Variants in PRH1 observed in about 807,000 individuals in gnomAD.
PRH1 encodes the protein salivary acidic proline-rich phosphoprotein 1/2.
A neutral mutation model predicts 7.9 loss-of-function variants in PRH1; 7 were observed. That is an observed-to-expected ratio of 0.89 (90% CI 0.50 to 1.67). The LOEUF (loss-of-function observed/expected upper bound fraction) is 1.67. PRH1 is among the 40% of genes most tolerant of loss of function. The pLI, the probability that PRH1 is intolerant of heterozygous loss-of-function variation, is 0.00. For synonymous variants in PRH1, 45 were observed against 80.8 expected (o/e 0.56, Z 2.38); for missense variants, 109 against 223.6 (o/e 0.49, Z 3.27).
intron 2 of PRH1, among the ~76,000 whole-genome samples, chr12:10,969,020 C>T (rs1938656336): frequency 6.6e-6 from 1 of 152,154 alleles, no homozygotes; most frequent in Non-Finnish European, 1.5e-5. Context: ...GAGCTCTTGT[C>T]CAGCTTCCAA....
At position 11,088,439 on chromosome 12, in the gene PRH1, A is replaced by T. The variant is rs2136250015; in HGVS notation, n.124-41251T>A. ...GTAAAATACTCTAACGATGAATGGA[A>T]GTAAAATACCAGAAGAAAAGAAATC... On this transcript the variant is annotated intron_variant and non_coding_transcript_variant, in intron 1 of 4. Coordinates refer to the PRH1 transcript ENST00000541977. Among the ~76,000 whole-genome samples, 2 of 105,982 alleles carry T rather than the reference A, an allele frequency of 1.9e-5. 1 individual carries two copies. The highest frequency in any genetic ancestry group is 6.5e-5 in the African/African-American group (2 of 30,536). The allele number at this position is 105,982 out of a possible 152,430, so 69.5% of individuals were successfully genotyped here.
chr12:11,049,338 G>A (rs561985644), upstream of PRH1: 55 of 283,840 alleles, frequency 1.9e-4, no homozygotes, highest in South Asian at 2.4e-3. Context: ...CCTTAATGTC[G>A]ATAAACACTT....
At chr12:11,006,567 G>C (rs1940844546) in intron 1 of PRH1, among the ~76,000 whole-genome samples, 1 of 151,720 alleles carries the variant, frequency 6.6e-6, no homozygotes, top group African/African-American at 2.4e-5. Context: ...TTTTTGTGGA[G>C]ACAAATTTCC....
chr12:11,170,701 T>C lies in PRH1; in HGVS notation n.39+721A>G, dbSNP rs368204760. ...TTAAGGGTTTACATGGCTGGGAATA[T>C]AATTTTGTATGTATGTCCTTATGTA... On this transcript the variant is annotated intron_variant and non_coding_transcript_variant, in intron 1 of 1. Transcript: ENST00000541175. 2.6e-5 allele frequency among the ~76,000 whole-genome samples: 4 copies of C among 152,330 alleles called. No individual in the cohort carries two copies. The East Asian group carries it at 7.7e-4, about 29-fold the overall frequency.
chr12:11,030,353 T>C, intron 1 of PRH1: 1 of 1,566,788 alleles, frequency 6.4e-7, no homozygotes, highest in Non-Finnish European at 8.6e-7. Context: ...AAATGTTTCA[T>C]ACACCACCAG....
At chr12:11,119,265 C>A (rs1436320313), downstream of PRH1, among the ~76,000 whole-genome samples, 1 of 151,030 alleles carries the variant, frequency 6.6e-6, no homozygotes, top group Non-Finnish European at 1.5e-5. Context: ...TTAACAAAGG[C>A]TAGGAAAGGT....
At chr12:11,152,330 T>C (rs975955897) in intron 1 of PRH1, among the ~76,000 whole-genome samples, 22 of 112,316 alleles carry the variant, frequency 2.0e-4, no homozygotes, top group African/African-American at 3.6e-4. Flanking sequence ...ATTTGTGAGA[T>C]AGTATAATAA....
At chr12:11,110,432 C>T (rs1945555353) in intron 1 of PRH1, among the ~76,000 whole-genome samples, 1 of 152,158 alleles carries the variant, frequency 6.6e-6, no homozygotes, top group Admixed American at 6.5e-5. Flanking sequence ...GGCTGAGTCA[C>T]CAAAAAGAGA....
intron 2 of PRH1, among the ~76,000 whole-genome samples, chr12:10,914,111 C>T (rs140337121): frequency 1.6e-3 from 240 of 152,022 alleles, no homozygotes; most frequent in African/African-American, 5.4e-3. Flanking sequence ...TACTGTAAAA[C>T]AAGATAGGGA....
intron 2 of PRH1, among the ~76,000 whole-genome samples, chr12:10,926,294 C>T (rs566526174): frequency 5.3e-5 from 8 of 152,270 alleles, no homozygotes; most frequent in Admixed American, 6.5e-5. Context: ...CACTCACTCT[C>T]GGAGAAGTTT....
At chr12:11,147,032 A>T (rs932016789) in intron 1 of PRH1, among the ~76,000 whole-genome samples, 1 of 152,106 alleles carries the variant, frequency 6.6e-6, no homozygotes, top group Admixed American at 6.5e-5. Flanking sequence ...TTTCTTGCCT[A>T]TCTCCGAACT....
intron 1 of PRH1, among the ~76,000 whole-genome samples, chr12:11,039,943 T>C (rs969911399): frequency 1.9e-4 from 27 of 141,828 alleles, no homozygotes; most frequent in Admixed American, 5.8e-4. Flanking sequence ...GCCCTGCTTT[T>C]CCACTTGGGC....
intron 2 of PRH1, chr12:10,938,989 T>C: frequency 1.2e-6 from 2 of 1,613,284 alleles, no homozygotes; most frequent in Non-Finnish European, 1.7e-6. Flanking sequence ...CAAATAAAGC[T>C]GGGAAAAACA....
intron 1 of PRH1, chr12:11,062,014 A>C (rs1943628021): frequency 1.2e-6 from 2 of 1,613,862 alleles, no homozygotes; most frequent in South Asian, 1.1e-5. Context: ...CCAGTTGCTG[A>C]AATGGTTGAT....
chr12:11,033,125 A>G (rs1194516268), intron 1 of PRH1, among the ~76,000 whole-genome samples: 1 of 152,124 alleles, frequency 6.6e-6, no homozygotes, highest in Non-Finnish European at 1.5e-5. Context: ...GGCCCAGCGC[A>G]GGCGAGGTTG....
At chr12:10,986,006 C>T in intron 1 of PRH1, 3 of 1,613,772 alleles carry the variant, frequency 1.9e-6, no homozygotes, top group Non-Finnish European at 2.5e-6. Context: ...TGTGTTTTAG[C>T]TTCTTGGTTC....
intron 2 of PRH1, among the ~76,000 whole-genome samples, chr12:10,920,096 G>T (rs1950025783): frequency 6.6e-6 from 1 of 151,764 alleles, no homozygotes; most frequent in Admixed American, 6.6e-5. Flanking sequence ...GTCTCACTGT[G>T]TTGCTCAAGT....
intron 1 of PRH1, chr12:10,986,919 T>C (rs1290015539): frequency 1.6e-6 from 2 of 1,246,160 alleles, no homozygotes; most frequent in Non-Finnish European, 2.2e-6. Context: ...GTGATTTCTT[T>C]AATACTCTGA....
intron 1 of PRH1, among the ~76,000 whole-genome samples, chr12:11,086,292 T>C (rs1944693684): frequency 7.1e-6 from 1 of 141,832 alleles, no homozygotes; most frequent in Non-Finnish European, 1.6e-5. Context: ...AGTTATTTAA[T>C]GAAAATATTC....
Sources: gnomAD v4.1 joint callset for allele counts (sites outside exome capture counted in the v4.1 genomes callset) on GRCh38, gnomAD v4.1.1 for gene constraint, MANE v1.5 for transcripts, NCBI Gene and HGNC (gene_info 2026-07-23, HGNC 2026-07-21) for gene names.